The following CPNE4 variants were observed in gnomAD, a reference collection of about 807,000 sequenced individuals.
CPNE4 encodes the protein copine 4.
In CPNE4, 25 loss-of-function variants were observed where a neutral mutation model predicts 67.9. The ratio of observed to expected loss-of-function variants is 0.37; its 90% CI spans 0.27 to 0.51. The LOEUF (loss-of-function observed/expected upper bound fraction) is 0.51, where lower values mean the gene tolerates loss of function less well. Among genes scored for constraint, CPNE4 ranks in the 20% least tolerant of loss-of-function variants. CPNE4 has a pLI of 0.93. For synonymous variants in CPNE4, 242 were observed against 244.9 expected (o/e 0.99, Z 0.11); for missense variants, 464 against 690.8 (o/e 0.67, Z 3.68).
intron 1 of CPNE4, among the ~76,000 whole-genome samples, chr3:131,945,825 A>G (rs1327150535): frequency 6.6e-6 from 1 of 152,216 alleles, no homozygotes; most frequent in Non-Finnish European, 1.5e-5. Context: ...GGGTAAAATG[A>G]AGATAGGAAT....
chr3:131,749,344 T>C (rs1221927966), intron 2 of CPNE4, among the ~76,000 whole-genome samples: 1 of 152,182 alleles, frequency 6.6e-6, no homozygotes, highest in Non-Finnish European at 1.5e-5. Context: ...TTATTTTAAA[T>C]TTGTAGATGT....
intron 2 of CPNE4, among the ~76,000 whole-genome samples, chr3:131,789,568 A>T (rs902102635): frequency 6.6e-6 from 1 of 152,094 alleles, no homozygotes; most frequent in Non-Finnish European, 1.5e-5. Context: ...TTTTAGGAGG[A>T]TTATGCAGGT....
At chr3:131,977,804 T>C (rs1392257353) in intron 1 of CPNE4, among the ~76,000 whole-genome samples, 1 of 151,616 alleles carries the variant, frequency 6.6e-6, no homozygotes, top group East Asian at 1.9e-4. Flanking sequence ...CACTGCACCA[T>C]ATTTGTAGTC....
At chr3:131,569,614 G>T (rs1246425207) in intron 10 of CPNE4, among the ~76,000 whole-genome samples, 1 of 148,966 alleles carries the variant, frequency 6.7e-6, no homozygotes, top group Non-Finnish European at 1.5e-5. Context: ...CTGCACTCCG[G>T]GAAACAGAGT....
intron 1 of CPNE4, among the ~76,000 whole-genome samples, chr3:131,912,806 T>C (rs1484243053): frequency 1.3e-5 from 2 of 152,106 alleles, no homozygotes; most frequent in African/African-American, 4.8e-5. Context: ...ACAAATCACC[T>C]GGGAAGCAGG....
chr3:131,875,066 T>C (rs1411048961), intron 2 of CPNE4, among the ~76,000 whole-genome samples: 1 of 152,222 alleles, frequency 6.6e-6, no homozygotes, highest in Non-Finnish European at 1.5e-5. Flanking sequence ...CAGAGATCTG[T>C]AGGCTGAGAT....
intron 2 of CPNE4, among the ~76,000 whole-genome samples, chr3:131,759,090 T>C (rs950878120): frequency 1.3e-5 from 2 of 152,078 alleles, no homozygotes; most frequent in African/African-American, 4.8e-5. Context: ...CCTAGTAGGA[T>C]GATGGGGATG....
chr3:131,854,773 C>T (rs1384226209), intron 2 of CPNE4, among the ~76,000 whole-genome samples: 5 of 151,224 alleles, frequency 3.3e-5, no homozygotes, highest in African/African-American at 1.2e-4. Flanking sequence ...CCTTTATTCC[C>T]TCTCCTCTTT....
chr3:131,936,761 C>T (rs904972011), intron 1 of CPNE4, among the ~76,000 whole-genome samples: 3 of 151,756 alleles, frequency 2.0e-5, no homozygotes, highest in Non-Finnish European at 4.4e-5. Context: ...GAAACCATCC[C>T]CCTTGTCTTC....
intron 1 of CPNE4, among the ~76,000 whole-genome samples, chr3:131,920,116 C>A (rs900394573): frequency 6.6e-6 from 1 of 152,152 alleles, no homozygotes; most frequent in Admixed American, 6.6e-5. Flanking sequence ...ATAAATGCTG[C>A]AGGCCAAAGC....
intron 1 of CPNE4, among the ~76,000 whole-genome samples, chr3:131,921,887 G>A (rs773538233): frequency 9.7e-4 from 147 of 152,252 alleles, no homozygotes; most frequent in Non-Finnish European, 1.6e-3. Flanking sequence ...AGAGAGAAGA[G>A]AGAAGAGAGG....
intron 3 of CPNE4, among the ~76,000 whole-genome samples, chr3:131,712,844 A>C (rs2081592008): frequency 6.6e-6 from 1 of 152,258 alleles, no homozygotes; most frequent in Non-Finnish European, 1.5e-5. Flanking sequence ...TTGGAAGAGT[A>C]TGTGTAAATG....
At chr3:131,598,690 C>T (rs1006650073) in intron 7 of CPNE4, among the ~76,000 whole-genome samples, 8 of 152,362 alleles carry the variant, frequency 5.3e-5, no homozygotes, top group Admixed American at 5.2e-4. Context: ...CACATAGCTT[C>T]ATAGTTTACT....
At chr3:131,919,995 A>G (rs2070697257) in intron 1 of CPNE4, among the ~76,000 whole-genome samples, 1 of 152,168 alleles carries the variant, frequency 6.6e-6, no homozygotes, top group Non-Finnish European at 1.5e-5. Context: ...ATCCATTGTA[A>G]TTTATTCCTC....
intron 2 of CPNE4, among the ~76,000 whole-genome samples, chr3:131,818,433 G>T (rs376589717): frequency 3.3e-5 from 5 of 152,214 alleles, no homozygotes; most frequent in Admixed American, 2.0e-4. Flanking sequence ...CTGTTCAAAA[G>T]GTATAGGATA....
chr3:131,853,199 T>C (rs1194061415), intron 2 of CPNE4, among the ~76,000 whole-genome samples: 3 of 151,816 alleles, frequency 2.0e-5, no homozygotes, highest in Non-Finnish European at 4.4e-5. Context: ...TCAAAAAGTG[T>C]GATACTGATA....
chr3:131,639,636 A>C (rs138552979), intron 7 of CPNE4, among the ~76,000 whole-genome samples: 2 of 152,264 alleles, frequency 1.3e-5, no homozygotes, highest in Non-Finnish European at 2.9e-5. Flanking sequence ...AGAAAGAAGG[A>C]ATCCTTCCTA....
intron 6 of CPNE4, among the ~76,000 whole-genome samples, chr3:131,681,594 T>C (rs2080757199): frequency 6.6e-6 from 1 of 152,190 alleles, no homozygotes; most frequent in African/African-American, 2.4e-5. Flanking sequence ...ATTAACTGTC[T>C]TGAAGTCATC....
intron 2 of CPNE4, among the ~76,000 whole-genome samples, chr3:131,799,395 G>C (rs2084011041): frequency 6.6e-6 from 1 of 152,074 alleles, no homozygotes; most frequent in Non-Finnish European, 1.5e-5. Flanking sequence ...GCCTGCAAGA[G>C]TGTATTTCAT....
Sources: allele counts gnomAD v4.1 joint callset (sites outside exome capture counted in the v4.1 genomes callset), GRCh38; gene constraint gnomAD v4.1.1; transcripts MANE v1.5; gene names NCBI Gene and HGNC (gene_info 2026-07-23, HGNC 2026-07-21).